Variants in WDR47 observed in about 807,000 individuals in gnomAD.
WDR47 encodes WD repeat-containing protein 47.
A neutral mutation model predicts 97.2 loss-of-function variants in WDR47; 32 were observed. The ratio of observed to expected loss-of-function variants is 0.33; its 90% CI spans 0.25 to 0.44. The LOEUF is 0.44. WDR47 is among the 20% of genes least tolerant of loss of function. The pLI is 1.00. For synonymous variants in WDR47, 375 were observed against 373.5 expected (o/e 1.00, Z -0.05); for missense variants, 782 against 1,102.3 (o/e 0.71, Z 4.11).
intron 1 of WDR47, among the ~76,000 whole-genome samples, chr1:109,040,401 G>T (rs1663272772): frequency 6.6e-6 from 1 of 151,944 alleles, no homozygotes; most frequent in Non-Finnish European, 1.5e-5. Context: ...AGTAACATAG[G>T]ATAGTACCCC....
At chr1:109,038,590 G>A (rs943976808) in intron 1 of WDR47, among the ~76,000 whole-genome samples, 2 of 151,166 alleles carry the variant, frequency 1.3e-5, no homozygotes, top group African/African-American at 2.4e-5. Context: ...GAGGTAGGAG[G>A]ATCACTTGAG....
chr1:108,998,060 A>G (rs1420658010), intron 7 of WDR47, among the ~76,000 whole-genome samples: 2 of 152,228 alleles, frequency 1.3e-5, no homozygotes, highest in Non-Finnish European at 2.9e-5. Flanking sequence ...TTTATCAGTT[A>G]AAAATTATAA....
At chr1:108,974,479 A>T (rs957615429) in intron 14 of WDR47, 57 bp downstream of exon 14, 3 of 1,446,214 alleles carry the variant, frequency 2.1e-6, no homozygotes, top group East Asian at 4.7e-5. Context: ...TAACAAAAAA[A>T]TAAAGGTCCC....
At chr1:109,025,487 G>C (rs1662148452) in intron 1 of WDR47, among the ~76,000 whole-genome samples, 1 of 147,212 alleles carries the variant, frequency 6.8e-6, no homozygotes, top group Non-Finnish European at 1.5e-5. Flanking sequence ...TGTAATCCCA[G>C]CACTTTGGGA....
intron 5 of WDR47, among the ~76,000 whole-genome samples, chr1:109,005,872 A>T (rs1660569778): frequency 6.6e-6 from 1 of 152,074 alleles, no homozygotes; most frequent in Non-Finnish European, 1.5e-5. Flanking sequence ...CACCTCAAAA[A>T]AATAAAAATA....
At chr1:109,030,585 A>G (rs908042975) in intron 1 of WDR47, among the ~76,000 whole-genome samples, 12 of 152,054 alleles carry the variant, frequency 7.9e-5, no homozygotes, top group African/African-American at 2.9e-4. Context: ...TCCATCTCAC[A>G]CAATAAAAAC....
At chr1:109,019,098 T>C (rs1661632367) in intron 2 of WDR47, among the ~76,000 whole-genome samples, 1 of 151,846 alleles carries the variant, frequency 6.6e-6, no homozygotes. Flanking sequence ...AAAAGAATTT[T>C]AAAAGCTGGG....
chr1:109,037,326 T>TC, intron 1 of WDR47, among the ~76,000 whole-genome samples: 1 of 117,822 alleles, frequency 8.5e-6, no homozygotes, highest in South Asian at 2.7e-4. Flanking sequence ...CAAAACTCCG[T>TC]CTAAAAAAAA....
At position 109,010,959 on chromosome 1, in the gene WDR47, C is replaced by T; in HGVS notation, c.1087G>A (p.Glu363Lys). Residue 363 changes from glutamate to lysine, a missense_variant, in exon 5 of 15, where the codon GAG (glutamate) becomes AAG (lysine). Physicochemically the swap from Glu to Lys is moderately conservative, Grantham distance 56 (BLOSUM62 1). Transcript: ENST00000369962. ...VQNLSRSLML[E>K]NTECHSIYEE... ...TAAATACTGTGACATTCTGTATTCT[C>T]AAGCATGAGACTTCTACTGAGGTTT... 6.2e-7 allele frequency: 1 copy of T among 1,613,990 alleles called. No homozygotes were observed. The highest frequency in any genetic ancestry group is 8.5e-7 in the Non-Finnish European group (1 of 1,179,946).
chr1:109,004,831 T>C lies in WDR47; in HGVS notation c.1131-116A>G, dbSNP rs1427756289. ...TTATTTTTGAGATGGAGTCTCTCTC[T>C]GTAGCCCCGACTGGAGTGACGCAAT... On this transcript the variant is annotated intron_variant, in intron 5 of 14. Transcript: ENST00000369962. 2.4e-6 allele frequency: 3 copies of C among 1,265,244 alleles called. No homozygotes were observed. In the East Asian group the frequency reaches 8.5e-5, roughly 36 times the overall value. The allele number at this position is 1,265,244 out of a possible 1,614,324, so 78.4% of individuals were successfully genotyped here. A position where few individuals can be genotyped will look rare whatever the true frequency, so the allele number is the denominator to read the frequency against.
At chr1:109,010,631 A>G (rs1436632899) in intron 5 of WDR47, among the ~76,000 whole-genome samples, 1 of 138,412 alleles carries the variant, frequency 7.2e-6, no homozygotes, top group Non-Finnish European at 1.5e-5. Context: ...GGCCCAGGCC[A>G]GAGTGCAATG....
At chr1:109,016,815 C>A (rs1661454537) in intron 3 of WDR47, among the ~76,000 whole-genome samples, 1 of 151,612 alleles carries the variant, frequency 6.6e-6, no homozygotes, top group Admixed American at 6.6e-5. Context: ...AAGTGACTCC[C>A]AGTTAGGAGA....
In WDR47 at chr1:108,983,428, G is replaced by A. The variant is rs764063998; in HGVS notation, c.1949C>T (p.Pro650Leu). 4.4e-6 allele frequency: 7 copies of A among 1,599,896 alleles called. No homozygotes were observed. The highest frequency in any genetic ancestry group is 6.0e-6 in the Non-Finnish European group (7 of 1,173,138). The change falls in exon 11 of 15, where the codon CCG becomes CTG. Residue 650 changes from proline (P) to leucine (L), a missense_variant. Around this residue, in one of 3 missense-constraint regions of WDR47, gnomAD observed 228 missense variants for 396.7 expected, o/e 0.57. Coordinates refer to ENST00000369962, the MANE Select transcript of WDR47 (RefSeq NM_001142551.2). ...TTTATTCCTTTTAAAACGTACCACC[G>A]GCTGCTTAGGAGTCTCATGTGCACT... is the stretch of plus-strand genomic sequence containing the variant. ...DPSAHETPKQ[P>L]VVRFKRNKHH... is the part of the protein sequence containing the mutation.
chr1:109,015,232 A>G (rs900052612), intron 3 of WDR47, among the ~76,000 whole-genome samples: 1 of 152,220 alleles, frequency 6.6e-6, no homozygotes, highest in African/African-American at 2.4e-5. Flanking sequence ...TGATAGTGAT[A>G]GAGTAACTTA....
chr1:108,986,644 T>C lies in WDR47; in HGVS notation c.1804A>G (p.Ile602Val), dbSNP rs1658841618. The stretch of plus-strand genomic sequence containing the variant: ...CTAACAGCTTGTGTGTCTTCTAGGA[T>C]ATTAATACAAACAAACTGCTTTTTT... Reference protein sequence around the residue: ...KSKKQFVCINILEDTQAVRAV... With the variant: ...KSKKQFVCINVLEDTQAVRAV... The change falls in exon 10 of 15, where the codon ATC becomes GTC. Residue 602 changes from isoleucine (I) to valine (V), a missense_variant. This residue lies in a region of WDR47 where 228 missense variants were observed against 396.7 expected (regional missense o/e 0.57). Transcript: ENST00000369962. 6.2e-7 allele frequency: 1 copy of C among 1,612,530 alleles called. No individual in the cohort carries two copies. Among genetic ancestry groups the C allele is most frequent in the Middle Eastern group, 1.6e-4 (1 of 6,078 alleles).
intron 6 of WDR47, 131 bp downstream of exon 6, chr1:109,004,461 A>G (rs1356031780): frequency 1.8e-6 from 2 of 1,135,578 alleles, no homozygotes; most frequent in Non-Finnish European, 2.3e-6. Context: ...AAATAAGCTA[A>G]TAATAAGAAA....
At chr1:109,001,070 T>C (rs1188486576) in intron 7 of WDR47, among the ~76,000 whole-genome samples, 3 of 152,052 alleles carry the variant, frequency 2.0e-5, no homozygotes, top group African/African-American at 7.2e-5. Flanking sequence ...GGCGGATCAC[T>C]TGAGCCCAGG....
chr1:108,994,514 T>C (rs1224910423), intron 8 of WDR47, among the ~76,000 whole-genome samples: 1 of 151,920 alleles, frequency 6.6e-6, no homozygotes, highest in Non-Finnish European at 1.5e-5. Context: ...GAGGCTGAGG[T>C]AGGAGGATCA....
At chr1:109,001,189 T>C (rs1036409572) in intron 7 of WDR47, among the ~76,000 whole-genome samples, 7 of 152,158 alleles carry the variant, frequency 4.6e-5, no homozygotes, top group African/African-American at 7.2e-5. Context: ...CTCGGGAAGC[T>C]GAGGCAGGAG....
Sources: gnomAD v4.1 joint callset for allele counts (sites outside exome capture counted in the v4.1 genomes callset) on GRCh38, gnomAD v4.1.1 for gene constraint, gnomAD v4.1.1 regional missense constraint, MANE v1.5 for transcripts, NCBI Gene and HGNC (gene_info 2026-07-23, HGNC 2026-07-21) for gene names.